The following FAT3 variants were observed in gnomAD, a reference collection of about 807,000 sequenced individuals.
The protein encoded by FAT3 is protocadherin Fat 3.
A neutral mutation model predicts 310.2 loss-of-function variants in FAT3; 95 were observed. The observed-to-expected ratio is 0.31, with a 90% CI of 0.26 to 0.36. FAT3 has a LOEUF of 0.36. Ranked by LOEUF, FAT3 falls within the 10% of genes least tolerant of loss-of-function variation. The probability of loss-of-function intolerance (pLI) is 1.00; values close to 1 mark genes in which losing one functional copy is unlikely to be tolerated. For synonymous variants in FAT3, 2,314 were observed against 2,192.9 expected (o/e 1.06, Z -1.54); for missense variants, 5,408 against 5,715.6 (o/e 0.95, Z 1.74).
At chr11:92,813,395 C>T (rs369686610) in intron 13 of FAT3, among the ~76,000 whole-genome samples, 1 of 152,116 alleles carries the variant, frequency 6.6e-6, no homozygotes, top group East Asian at 1.9e-4. Context: ...CTATAGTAAA[C>T]CATCAGAGCT....
chr11:92,797,862 G>A lies in FAT3; in HGVS notation c.4849G>A (p.Glu1617Lys), dbSNP rs571634674. Residue 1617 changes from glutamate to lysine, a missense_variant, in exon 10 of 28, where the codon GAA (glutamate) becomes AAA (lysine). Glu to Lys is a moderately conservative substitution (Grantham distance 56). Around this residue, in one of 5 missense-constraint regions of FAT3, gnomAD observed 4,588 missense variants for 4,809.8 expected, o/e 0.95. Transcript: ENST00000525166. ...GAACACTGGGAACATGTTTAAGATC[G>A]AACCGGTCCTAGGCATCATCACCAT... ...AGNTGNMFKI[E>K]PVLGIITICK... 3.5e-5 allele frequency: 56 copies of A among 1,612,462 alleles called. No homozygotes were observed. Among genetic ancestry groups the A allele is most frequent in the Middle Eastern group, 3.3e-4 (2 of 6,054 alleles).
chr11:92,288,298 A>C (rs754952035), intron 1 of FAT3, among the ~76,000 whole-genome samples: 4 of 152,110 alleles, frequency 2.6e-5, no homozygotes, highest in Non-Finnish European at 4.4e-5. Flanking sequence ...GGGCAGGGAG[A>C]GTTTGAGAGT....
intron 4 of FAT3, among the ~76,000 whole-genome samples, chr11:92,741,586 T>C (rs1207725710): frequency 6.6e-6 from 1 of 152,232 alleles, no homozygotes; most frequent in Non-Finnish European, 1.5e-5. Flanking sequence ...TATTAGTTAT[T>C]AATGACAGTA....
At chr11:92,489,766 G>A (rs780001578) in intron 2 of FAT3, among the ~76,000 whole-genome samples, 3 of 152,142 alleles carry the variant, frequency 2.0e-5, no homozygotes, top group African/African-American at 2.4e-5. Flanking sequence ...ACTGTTTGTC[G>A]GGCTGGACGG....
chr11:92,375,741 A>C (rs1949324332), intron 2 of FAT3, among the ~76,000 whole-genome samples: 1 of 152,218 alleles, frequency 6.6e-6, no homozygotes, highest in Non-Finnish European at 1.5e-5. Flanking sequence ...TGCCGATGCC[A>C]GAGTTGACTT....
chr11:92,639,641 C>A (rs1020315777), intron 3 of FAT3, among the ~76,000 whole-genome samples: 2 of 152,078 alleles, frequency 1.3e-5, no homozygotes, highest in African/African-American at 4.8e-5. Context: ...AACAGAAATG[C>A]CTGAGTTGTG....
chr11:92,549,698 T>C (rs543370974), intron 3 of FAT3, among the ~76,000 whole-genome samples: 1 of 152,198 alleles, frequency 6.6e-6, no homozygotes, highest in Non-Finnish European at 1.5e-5. Flanking sequence ...CATTATATAA[T>C]CACTCCAAGT....
intron 2 of FAT3, among the ~76,000 whole-genome samples, chr11:92,395,571 A>G: frequency 6.7e-6 from 1 of 148,604 alleles, no homozygotes; most frequent in Admixed American, 6.7e-5. Context: ...TATGACCCAG[A>G]TTCAGTGTCA....
chr11:92,244,485 C>A (rs1864811660), intron 1 of FAT3, among the ~76,000 whole-genome samples: 1 of 152,058 alleles, frequency 6.6e-6, no homozygotes, highest in Non-Finnish European at 1.5e-5. Context: ...ACTAAAAGAG[C>A]TTGCAGGTAG....
intron 1 of FAT3, among the ~76,000 whole-genome samples, chr11:92,265,435 ATCCC>A (rs1289796201): frequency 4.0e-5 from 6 of 151,896 alleles, no homozygotes; most frequent in Non-Finnish European, 7.4e-5. Flanking sequence ...TCTTCACAGC[ATCCC>A]AGTCTCTGGG....
intron 3 of FAT3, among the ~76,000 whole-genome samples, chr11:92,603,348 C>T (rs1405532423): frequency 1.3e-5 from 2 of 152,192 alleles, no homozygotes; most frequent in Non-Finnish European, 2.9e-5. Flanking sequence ...AAAGCCTTAA[C>T]TCACCAAAGC....
At chr11:92,823,437 C>T (rs1175736486) in intron 13 of FAT3, among the ~76,000 whole-genome samples, 1 of 152,110 alleles carries the variant, frequency 6.6e-6, no homozygotes, top group Admixed American at 6.5e-5. Flanking sequence ...AGCAATGGGG[C>T]CAGTTTTATA....
intron 2 of FAT3, among the ~76,000 whole-genome samples, chr11:92,395,643 A>G (rs1432701637): frequency 6.6e-6 from 1 of 151,820 alleles, no homozygotes; most frequent in Non-Finnish European, 1.5e-5. Flanking sequence ...CAGTGGCACA[A>G]TCTGAGATCA....
At chr11:92,850,217 C>T (rs1445842599) in intron 19 of FAT3, among the ~76,000 whole-genome samples, 1 of 152,142 alleles carries the variant, frequency 6.6e-6, no homozygotes, top group African/African-American at 2.4e-5. Context: ...GGTTAACTCC[C>T]TACAAACTGG....
At chr11:92,759,568 A>G (rs758456203) in intron 4 of FAT3, among the ~76,000 whole-genome samples, 1 of 152,138 alleles carries the variant, frequency 6.6e-6, no homozygotes, top group Non-Finnish European at 1.5e-5. Flanking sequence ...ACAGCTCTCC[A>G]AAGAAAAGAG....
chr11:92,447,478 G>A (rs1951249002), intron 2 of FAT3, among the ~76,000 whole-genome samples: 1 of 152,062 alleles, frequency 6.6e-6, no homozygotes, highest in South Asian at 2.1e-4. Flanking sequence ...CCCGCTGAAT[G>A]TGTAGTAAGA....
intron 3 of FAT3, among the ~76,000 whole-genome samples, chr11:92,579,071 T>C (rs557365272): frequency 9.2e-5 from 14 of 152,214 alleles, no homozygotes; most frequent in Admixed American, 7.9e-4. Context: ...ATTAATTGTG[T>C]TGTAAGCTAA....
intron 22 of FAT3, among the ~76,000 whole-genome samples, chr11:92,874,069 T>C (rs913872097): frequency 6.6e-6 from 1 of 152,214 alleles, no homozygotes; most frequent in Non-Finnish European, 1.5e-5. Context: ...ATTTTTCACA[T>C]CACATAAGCT....
chr11:92,764,576 C>T (rs1366954436), intron 5 of FAT3, among the ~76,000 whole-genome samples: 1 of 152,142 alleles, frequency 6.6e-6, no homozygotes, highest in East Asian at 1.9e-4. Context: ...ATTCATATAA[C>T]TATTATTCAG....
Sources: gnomAD v4.1 joint callset for allele counts (sites outside exome capture counted in the v4.1 genomes callset) on GRCh38, gnomAD v4.1.1 for gene constraint, gnomAD v4.1.1 regional missense constraint, MANE v1.5 for transcripts, NCBI Gene and HGNC (gene_info 2026-07-23, HGNC 2026-07-21) for gene names.